ELAVL2: variants seen among roughly 807,000 people sequenced by gnomAD.
ELAVL2 encodes ELAV like RNA binding protein 2.
In ELAVL2, 4 loss-of-function variants were observed where a neutral mutation model predicts 34.6. The observed-to-expected ratio is 0.12, with a 90% CI of 0.06 to 0.26. The LOEUF (loss-of-function observed/expected upper bound fraction) is 0.26, where lower values mean the gene tolerates loss of function less well. ELAVL2 is among the 10% of genes least tolerant of loss of function. The pLI is 1.00. For synonymous variants in ELAVL2, 193 were observed against 154.8 expected, an observed-to-expected ratio of 1.25 and a Z score of -1.83; for missense variants, 432 against 442.8, an observed-to-expected ratio of 0.98 and a Z score of 0.22.
chr9:23,830,723 G>T (rs796170572), upstream of ELAVL2, among the ~76,000 whole-genome samples: 80 of 151,468 alleles, frequency 5.3e-4, 1 homozygote, highest in African/African-American at 1.9e-3. Flanking sequence ...ACATGTCCCA[G>T]AGTGTCTAGG....
At chr9:23,786,857 G>A (rs906254266) in intron 1 of ELAVL2, among the ~76,000 whole-genome samples, 2 of 148,914 alleles carry the variant, frequency 1.3e-5, no homozygotes, top group African/African-American at 4.9e-5. Flanking sequence ...GAATTTTAAA[G>A]TGACACCCAC....
At chr9:23,705,910 A>G (rs1464003867) in intron 3 of ELAVL2, among the ~76,000 whole-genome samples, 1 of 152,160 alleles carries the variant, frequency 6.6e-6, no homozygotes, top group African/African-American at 2.4e-5. Flanking sequence ...AAGATTCCAA[A>G]TTCATGGAAC....
intron 2 of ELAVL2, among the ~76,000 whole-genome samples, chr9:23,745,647 C>T (rs553088515): frequency 1.3e-5 from 2 of 152,258 alleles, no homozygotes; most frequent in East Asian, 3.9e-4. Context: ...TACTACTTAT[C>T]CCATAGGACA....
At chr9:23,823,522 C>T (rs1346583263) in intron 1 of ELAVL2, among the ~76,000 whole-genome samples, 3 of 152,114 alleles carry the variant, frequency 2.0e-5, no homozygotes, top group African/African-American at 7.2e-5. Flanking sequence ...AAAGAGGGAA[C>T]GGGGAAGAAG....
At chr9:23,728,731 A>C (rs1587800636) in intron 3 of ELAVL2, among the ~76,000 whole-genome samples, 1 of 152,110 alleles carries the variant, frequency 6.6e-6, no homozygotes, top group East Asian at 1.9e-4. Context: ...GACATTGTAC[A>C]AGAGCACAAA....
intron 2 of ELAVL2, among the ~76,000 whole-genome samples, chr9:23,749,568 T>G (rs1208625060): frequency 6.6e-6 from 1 of 152,114 alleles, no homozygotes; most frequent in Non-Finnish European, 1.5e-5. Context: ...CCAAGGTGGT[T>G]ATATCTTTAT....
intron 2 of ELAVL2, among the ~76,000 whole-genome samples, chr9:23,746,525 G>A (rs964682692): frequency 1.3e-5 from 2 of 152,066 alleles, no homozygotes; most frequent in South Asian, 2.1e-4. Flanking sequence ...CCTCAGAACA[G>A]AGAGGTGAGT....
intron 3 of ELAVL2, among the ~76,000 whole-genome samples, chr9:23,723,667 A>T (rs998194835): frequency 1.3e-5 from 2 of 152,162 alleles, no homozygotes; most frequent in Non-Finnish European, 1.5e-5. Context: ...ACACATTTGA[A>T]CATGTGGTTC....
chr9:23,818,454 A>G (rs1326848878), intron 1 of ELAVL2, among the ~76,000 whole-genome samples: 2 of 152,146 alleles, frequency 1.3e-5, no homozygotes, highest in South Asian at 2.1e-4. Context: ...GCCCATAACT[A>G]AGTACTCACG....
chr9:23,743,257 A>T (rs1348875428), intron 2 of ELAVL2, among the ~76,000 whole-genome samples: 1 of 152,186 alleles, frequency 6.6e-6, no homozygotes, highest in African/African-American at 2.4e-5. Context: ...ACCAATTAAC[A>T]GATGGCTCCT....
intron 1 of ELAVL2, among the ~76,000 whole-genome samples, chr9:23,808,438 C>A (rs1289155582): frequency 6.6e-6 from 1 of 152,036 alleles, no homozygotes; most frequent in African/African-American, 2.4e-5. Context: ...AAAATCTGCA[C>A]AGGAAACCAA....
the ELAVL2 span, among the ~76,000 whole-genome samples, chr9:23,850,208 G>A: frequency 6.6e-6 from 1 of 151,796 alleles, no homozygotes; most frequent in Admixed American, 6.6e-5. Context: ...TTTGACCGTG[G>A]ACTGGCTTAA....
chr9:23,751,742 G>T (rs992513542), intron 2 of ELAVL2, among the ~76,000 whole-genome samples: 1 of 152,152 alleles, frequency 6.6e-6, no homozygotes, highest in East Asian at 1.9e-4. Flanking sequence ...ACCTTCGAAA[G>T]CCCAGTAATA....
At chr9:23,761,122 T>C (rs2054886358) in intron 2 of ELAVL2, among the ~76,000 whole-genome samples, 1 of 152,112 alleles carries the variant, frequency 6.6e-6, no homozygotes, top group South Asian at 2.1e-4. Flanking sequence ...CTTTTACTCA[T>C]TTCAAATATT....
At chr9:23,807,827 A>G (rs1438650179) in intron 1 of ELAVL2, among the ~76,000 whole-genome samples, 6 of 152,224 alleles carry the variant, frequency 3.9e-5, no homozygotes, top group East Asian at 1.9e-4. Context: ...ACAAATACTG[A>G]TAATATTTCA....
chr9:23,789,178 G>C lies in ELAVL2; in HGVS notation c.-15-26929C>G, dbSNP rs570324330. On this transcript the variant is annotated intron_variant, in intron 1 of 6. Transcript: ENST00000397312. ...TGGCCTGCTTATTCAGTTCCTATTA[G>C]TCCCTATATAGAGGGACTGCTTATT... Among the ~76,000 whole-genome samples, 19 of 152,176 alleles carry C rather than the reference G, an allele frequency of 1.2e-4. No individual in the cohort carries two copies. The South Asian group carries it at 2.7e-3, about 22-fold the overall frequency.
At chr9:23,807,082 TA>T (rs1186386306) in intron 1 of ELAVL2, among the ~76,000 whole-genome samples, 1 of 152,148 alleles carries the variant, frequency 6.6e-6, no homozygotes, top group Admixed American at 6.6e-5. Flanking sequence ...TGGTATAAGC[TA>T]AAAGGCATGC....
At chr9:23,726,518 A>G (rs1024406722) in intron 3 of ELAVL2, among the ~76,000 whole-genome samples, 1 of 152,034 alleles carries the variant, frequency 6.6e-6, no homozygotes, top group Non-Finnish European at 1.5e-5. Flanking sequence ...ATTCCCTGAG[A>G]TAACAGCTCC....
intron 1 of ELAVL2, among the ~76,000 whole-genome samples, chr9:23,799,393 T>A (rs2137564510): frequency 6.6e-6 from 1 of 152,254 alleles, no homozygotes; most frequent in Admixed American, 6.5e-5. Context: ...AAGTGAGTAT[T>A]TTCCTAAGGC....
Sources: allele counts gnomAD v4.1 joint callset (sites outside exome capture counted in the v4.1 genomes callset), GRCh38; gene constraint gnomAD v4.1.1; transcripts MANE v1.5; gene names NCBI Gene and HGNC (gene_info 2026-07-23, HGNC 2026-07-21).